CNTN4: variants seen among roughly 807,000 people sequenced by gnomAD.
CNTN4 encodes contactin-4.
CNTN4 carries 77 observed loss-of-function variants against 122.5 expected under a neutral mutation model. The ratio of observed to expected loss-of-function variants is 0.63; its 90% CI spans 0.52 to 0.76. CNTN4 has a LOEUF of 0.76. CNTN4 is among the 30% of genes least tolerant of loss of function. The pLI, the probability that CNTN4 is intolerant of heterozygous loss-of-function variation, is 0.00. For synonymous variants in CNTN4, 512 were observed against 447.0 expected (o/e 1.15, Z -1.83); for missense variants, 1,256 against 1,259.1 (o/e 1.00, Z 0.04).
At chr3:2,578,424 G>T (rs71311711) in intron 4 of CNTN4, among the ~76,000 whole-genome samples, 13,783 of 152,136 alleles carry the variant, frequency 0.091, 844 homozygotes, top group Non-Finnish European at 0.13. Flanking sequence ...TCCCCACCAG[G>T]ATGGAGAGCA....
intron 3 of CNTN4, among the ~76,000 whole-genome samples, chr3:2,423,385 G>A (rs889964735): frequency 1.3e-5 from 2 of 152,024 alleles, no homozygotes; most frequent in African/African-American, 4.8e-5. Flanking sequence ...TGTCAGTTTA[G>A]TGCGTTTAAT....
intron 12 of CNTN4, among the ~76,000 whole-genome samples, chr3:2,923,445 C>G (rs1232865724): frequency 6.6e-6 from 1 of 152,024 alleles, no homozygotes; most frequent in Admixed American, 6.6e-5. Flanking sequence ...AACATAGACC[C>G]TGGATTTGTT....
At chr3:2,259,946 A>T (rs1406199683) in intron 2 of CNTN4, among the ~76,000 whole-genome samples, 1 of 152,092 alleles carries the variant, frequency 6.6e-6, no homozygotes, top group Non-Finnish European at 1.5e-5. Flanking sequence ...ACTGTTGATG[A>T]GAATGTCACT....
intron 4 of CNTN4, among the ~76,000 whole-genome samples, chr3:2,590,512 C>G (rs1349008231): frequency 1.3e-5 from 2 of 151,854 alleles, no homozygotes; most frequent in African/African-American, 4.8e-5. Flanking sequence ...CTGCCTCGCA[C>G]TTTTCTGCTT....
At chr3:2,795,892 TA>T (rs1356117487) in intron 6 of CNTN4, among the ~76,000 whole-genome samples, 1 of 152,090 alleles carries the variant, frequency 6.6e-6, no homozygotes, top group African/African-American at 2.4e-5. Context: ...CAAAAAGAAA[TA>T]AAAATATATA....
chr3:2,246,510 G>T (rs188563819), intron 2 of CNTN4, among the ~76,000 whole-genome samples: 47 of 152,098 alleles, frequency 3.1e-4, no homozygotes, highest in African/African-American at 1.1e-3. Context: ...TAGCTGTGCT[G>T]GGGATAGTGG....
intron 12 of CNTN4, among the ~76,000 whole-genome samples, chr3:2,908,328 C>T (rs547860787): frequency 2.4e-4 from 36 of 152,238 alleles, no homozygotes; most frequent in African/African-American, 8.2e-4. Flanking sequence ...ATCATATTGG[C>T]GATGGGGACT....
At chr3:2,605,777 G>T (rs563165602) in intron 4 of CNTN4, among the ~76,000 whole-genome samples, 1 of 152,190 alleles carries the variant, frequency 6.6e-6, no homozygotes, top group African/African-American at 2.4e-5. Flanking sequence ...CCGATGTCCT[G>T]TCAGGTGCTA....
Position 2,179,574 on chromosome 3 carries a change from C to T in CNTN4, c.-145+78935C>T, listed in dbSNP as rs529972407. Among the ~76,000 whole-genome samples, 7 of 152,004 alleles carry T rather than the reference C, an allele frequency of 4.6e-5. No homozygotes were observed. The South Asian group carries it at 6.2e-4, about 14-fold the overall frequency. On this transcript the variant is annotated intron_variant, in intron 2 of 24. Coordinates refer to ENST00000418658, the MANE Select transcript of CNTN4 (RefSeq NM_175607.3). ...ACAATGTGTTTTTCATGTCCAACAC[C>T]GCCATTAGCAATTTTATACTGAACT... is the stretch of plus-strand genomic sequence containing the variant.
chr3:2,419,961 G>A (rs2047554925), intron 3 of CNTN4, among the ~76,000 whole-genome samples: 1 of 152,038 alleles, frequency 6.6e-6, no homozygotes, highest in Non-Finnish European at 1.5e-5. Flanking sequence ...AGATCGAATT[G>A]TCCCAGGTGT....
intron 4 of CNTN4, among the ~76,000 whole-genome samples, chr3:2,572,321 G>T (rs9831470): frequency 6.6e-6 from 1 of 152,058 alleles, no homozygotes; most frequent in South Asian, 2.1e-4. Context: ...AGAAGGCGAA[G>T]GTTGCAGTGA....
chr3:2,426,563 A>G (rs2047840750), intron 3 of CNTN4, among the ~76,000 whole-genome samples: 1 of 152,146 alleles, frequency 6.6e-6, no homozygotes, highest in Non-Finnish European at 1.5e-5. Flanking sequence ...AAGCTTTGGT[A>G]TCAGGATGAT....
intron 5 of CNTN4, among the ~76,000 whole-genome samples, chr3:2,741,499 G>A (rs2089454535): frequency 6.6e-6 from 1 of 152,172 alleles, no homozygotes; most frequent in South Asian, 2.1e-4. Context: ...TAAAGCAGAA[G>A]GCCGCTGTTC....
In CNTN4 at chr3:2,396,242, C is replaced by G. The variant is rs567386428; in HGVS notation, c.-89+57009C>G. On this transcript the variant is annotated intron_variant, in intron 3 of 24. Transcript: ENST00000418658. ...GTTTTGTAACGTGGCCCAGGCTTGT[C>G]TCAAACTCCTGGGCTCGAGCCATCT... Among the ~76,000 whole-genome samples the G allele has an allele frequency of 2.0e-4, 31 of 152,212 alleles. 1 individual carries two copies. The South Asian group carries it at 6.4e-3, about 32-fold the overall frequency.
intron 2 of CNTN4, among the ~76,000 whole-genome samples, chr3:2,227,261 A>G (rs1226746039): frequency 6.6e-6 from 1 of 152,200 alleles, no homozygotes; most frequent in Non-Finnish European, 1.5e-5. Context: ...AATACATTCA[A>G]GAAGATAAGT....
chr3:2,165,776 T>A (rs1307193865), intron 2 of CNTN4, among the ~76,000 whole-genome samples: 1 of 152,166 alleles, frequency 6.6e-6, no homozygotes, highest in Non-Finnish European at 1.5e-5. Context: ...ATAAGTGAGA[T>A]CACGCAGTAT....
intron 6 of CNTN4, among the ~76,000 whole-genome samples, chr3:2,750,580 G>A (rs1156722961): frequency 6.6e-6 from 1 of 152,130 alleles, no homozygotes; most frequent in Non-Finnish European, 1.5e-5. Context: ...GATGAGATAT[G>A]GATAAGCATA....
intron 2 of CNTN4, among the ~76,000 whole-genome samples, chr3:2,172,149 G>T (rs1431089649): frequency 6.6e-6 from 1 of 152,030 alleles, no homozygotes; most frequent in East Asian, 1.9e-4. Flanking sequence ...AGAATGATTA[G>T]AAAATTGATT....
At chr3:2,753,956 G>T (rs918806778) in intron 6 of CNTN4, among the ~76,000 whole-genome samples, 5 of 152,078 alleles carry the variant, frequency 3.3e-5, no homozygotes, top group Admixed American at 1.3e-4. Context: ...CAATATTTCT[G>T]CTCTAAAAGT....
Sources: allele counts gnomAD v4.1 joint callset (sites outside exome capture counted in the v4.1 genomes callset), GRCh38; gene constraint gnomAD v4.1.1; transcripts MANE v1.5; gene names NCBI Gene and HGNC (gene_info 2026-07-23, HGNC 2026-07-21).